Variants in CEP68 observed in about 807,000 individuals in gnomAD.
CEP68 encodes the protein centrosomal protein 68, also known as centrosomal protein of 68 kDa.
Under a neutral mutation model 55.3 loss-of-function variants are expected in CEP68, and 26 were observed. The ratio of observed to expected loss-of-function variants is 0.47; its 90% CI spans 0.34 to 0.65. CEP68 has a LOEUF of 0.65. Ranked by LOEUF, CEP68 falls within the 30% of genes least tolerant of loss-of-function variation. The pLI, the probability that CEP68 is intolerant of heterozygous loss-of-function variation, is 0.01. For missense variants in CEP68, 957 were observed against 946.7 expected (o/e 1.01, Z -0.14); for synonymous variants, 402 against 383.2 (o/e 1.05, Z -0.57).
chr2:65,069,278 C>T, intron 1 of CEP68, 121 bp from the exon 2 acceptor site: 1 of 582,180 alleles, frequency 1.7e-6, no homozygotes, highest in South Asian at 3.7e-5. Context: ...AGGAAGTAGT[C>T]ACCATTTGTT....
rs543583730 is a variant in CEP68 at position 65,086,566 on chromosome 2, C to A, written c.*2932C>A. ...TCTGTAAATATGCTCATCTTAAGTTCATGTAATGTTTCCGCTAACTCACCA... is the reference window on the plus strand; with the variant it reads ...TCTGTAAATATGCTCATCTTAAGTTAATGTAATGTTTCCGCTAACTCACCA... On this transcript the variant is annotated 3_prime_UTR_variant, in exon 7 of 7. Transcript: ENST00000377990. 12 of 152,262 alleles carry A rather than the reference C, an allele frequency of 7.9e-5. No individual in the cohort carries two copies. The highest frequency in any genetic ancestry group is 2.9e-4 in the African/African-American group (12 of 41,546). The allele number at this position is 152,262 out of a possible 1,614,324, so 9.4% of individuals were successfully genotyped here. A position where few individuals can be genotyped will look rare whatever the true frequency, so the allele number is the denominator to read the frequency against.
intron 1 of CEP68, among the ~76,000 whole-genome samples, chr2:65,064,140 C>T (rs1416391537): frequency 6.6e-6 from 1 of 152,176 alleles, no homozygotes; most frequent in Non-Finnish European, 1.5e-5. Context: ...GCTGAAGGGA[C>T]TTTGGCCACA....
chr2:65,080,404 T>C lies in CEP68; in HGVS notation c.2105-2132T>C, dbSNP rs1234617403. 4 of 985,226 alleles carry C rather than the reference T, an allele frequency of 4.1e-6. No individual in the cohort carries two copies. In the Admixed American group the frequency reaches 2.5e-4, roughly 61 times the overall value. 61.0% of individuals were successfully genotyped at this position (985,226 alleles called of 1,614,324 possible). On this transcript the variant is annotated intron_variant, in intron 5 of 6. Coordinates refer to ENST00000377990, the MANE Select transcript of CEP68 (RefSeq NM_015147.3). ...TCTCCAGCGGGTGCAAAACTTAACT[T>C]TTCTTCCGCCAGGAGCATGCTGTCA...
chr2:65,077,658 G>C (rs950366834), intron 4 of CEP68, among the ~76,000 whole-genome samples: 1 of 152,142 alleles, frequency 6.6e-6, no homozygotes, highest in African/African-American at 2.4e-5. Context: ...AAACTAAACA[G>C]GAAAAACTAC....
intron 1 of CEP68, among the ~76,000 whole-genome samples, chr2:65,062,972 C>G (rs1675985859): frequency 1.3e-5 from 2 of 152,216 alleles, no homozygotes; most frequent in Admixed American, 6.5e-5. Flanking sequence ...CCCAGTCCTC[C>G]TCTCTCCATC....
At chr2:65,070,919 CTG>C (rs1457013373) in intron 2 of CEP68, 1 of 155,276 alleles carries the variant, frequency 6.4e-6, no homozygotes, top group African/African-American at 2.4e-5. Flanking sequence ...TCCTTCAACA[CTG>C]TGCTGTCCTG....
chr2:65,073,933 CA>C (rs1676634657), intron 3 of CEP68: 1 of 212,196 alleles, frequency 4.7e-6, no homozygotes, highest in South Asian at 8.4e-5. Context: ...TTCACTTTTC[CA>C]GAGAAACATG....
In CEP68 at chr2:65,071,797, A is replaced by G. The variant is rs1047695788; in HGVS notation, c.701A>G (p.Gln234Arg). 3 of 1,609,282 alleles carry G rather than the reference A, an allele frequency of 1.9e-6. No homozygotes were observed. Among genetic ancestry groups the G allele is most frequent in the Non-Finnish European group, 2.5e-6 (3 of 1,176,966 alleles). ...TCCTCCCTGGAGCCGGTCGTCCCCC[A>G]GGAACCTTCCTCTGTGGTGGGGCTA... is the stretch of plus-strand genomic sequence containing the variant. ...VSSSLEPVVP[Q>R]EPSSVVGLGP... The change falls in exon 3 of 7, where the codon CAG (glutamine) becomes CGG (arginine). Residue 234 changes from glutamine (Q) to arginine (R), a missense_variant. Transcript: ENST00000377990.
In CEP68 at chr2:65,058,871, C is replaced by T. The variant is rs546770249; in HGVS notation, c.-47+2343C>T. Among the ~76,000 whole-genome samples, 9 of 152,152 alleles carry T rather than the reference C, an allele frequency of 5.9e-5. No individual in the cohort carries two copies. The East Asian group carries it at 7.7e-4, about 13-fold the overall frequency. On this transcript the variant is annotated intron_variant, in intron 1 of 6. Coordinates refer to ENST00000377990, the MANE Select transcript of CEP68 (RefSeq NM_015147.3). Reference sequence around the variant, plus strand: ...TTCTCTTTCCACAGTGAAAGTATTCCGTAGAAGATTATCTGTTTATGTGTC... The same window carrying T: ...TTCTCTTTCCACAGTGAAAGTATTCTGTAGAAGATTATCTGTTTATGTGTC...
At chr2:65,070,681 A>G (rs1676419433) in intron 2 of CEP68, 1 of 152,110 alleles carries the variant, frequency 6.6e-6, no homozygotes, top group Admixed American at 6.5e-5. Flanking sequence ...AGCGAATCAT[A>G]AACAGACACA....
chr2:65,074,776 CAA>C (rs71394918), intron 4 of CEP68: 1 of 227,952 alleles, frequency 4.4e-6, no homozygotes, highest in Non-Finnish European at 8.6e-6. Context: ...CCCCCCCCCT[CAA>C]AAAAAAGTTT....
intron 3 of CEP68, chr2:65,073,335 C>G (rs1420092033): frequency 2.8e-6 from 1 of 351,334 alleles, no homozygotes; most frequent in Non-Finnish European, 5.5e-6. Flanking sequence ...GTTTTGTGCA[C>G]AGATGCCTTT....
At chr2:65,065,236 A>C (rs943665182) in intron 1 of CEP68, among the ~76,000 whole-genome samples, 2 of 152,228 alleles carry the variant, frequency 1.3e-5, no homozygotes, top group African/African-American at 4.8e-5. Flanking sequence ...CAGCAGCTCT[A>C]CTTCTGCAAT....
intron 4 of CEP68, among the ~76,000 whole-genome samples, chr2:65,077,408 T>C (rs774484502): frequency 2.2e-4 from 34 of 152,120 alleles, no homozygotes; most frequent in Non-Finnish European, 4.6e-4. Context: ...GATGTTGAGG[T>C]AGTTACCCCT....
chr2:65,062,532 C>CAA (rs10700779), intron 1 of CEP68, among the ~76,000 whole-genome samples: 1,530 of 66,266 alleles, frequency 0.023, 55 homozygotes, highest in Non-Finnish European at 0.032. Context: ...GACTCCATCT[C>CAA]AAAAAAAAAA....
At chr2:65,057,648 C>T (rs1444864512) in intron 1 of CEP68, among the ~76,000 whole-genome samples, 1 of 152,100 alleles carries the variant, frequency 6.6e-6, no homozygotes, top group Non-Finnish European at 1.5e-5. Context: ...AAAAGGCACT[C>T]AATGATGGAA....
chr2:65,058,497 CTTT>C lies in CEP68; in HGVS notation c.-47+1993_-47+1995del, dbSNP rs34477880. 4.9e-3 allele frequency among the ~76,000 whole-genome samples: 368 copies of C among 75,620 alleles called. 4 individuals carry two copies. The highest frequency in any genetic ancestry group is 0.019 in the East Asian group (43 of 2,224). The allele number at this position is 75,620 out of a possible 152,430, so 49.6% of individuals were successfully genotyped here. A position where few individuals can be genotyped will look rare whatever the true frequency, so the allele number is the denominator to read the frequency against. On this transcript the variant is annotated intron_variant, in intron 1 of 6. Transcript: ENST00000377990. ...CCTTATCCGATGGCTGATTTTTTTC[CTTT>C]TTTTTTTTTTTTTTTTTTTTTTTGA...
chr2:65,073,066 A>G (rs1431751737), intron 3 of CEP68, 86 bp downstream of exon 3: 4 of 1,465,766 alleles, frequency 2.7e-6, no homozygotes, highest in Admixed American at 3.5e-5. Context: ...AAACATGTTC[A>G]TGTTGACCAG....
rs1161240505 is a variant in CEP68, at chr2:65,072,379, G to A, written c.1283G>A (p.Gly428Asp). The A allele has an allele frequency of 1.9e-6, 3 of 1,613,780 alleles. No homozygotes were observed. Among genetic ancestry groups the A allele is most frequent in the East Asian group, 4.5e-5 (2 of 44,888 alleles). ...GGTGCGAAGGACCGGCTGACTATAG[G>A]CAAGCACCTTGATATGGGCTCTCCC... The part of the protein sequence containing the change: ...LRGAKDRLTI[G>D]KHLDMGSPQL... Residue 428 changes from glycine (G) to aspartate (D), a missense_variant, in exon 3 of 7, where the codon GGC (glycine) becomes GAC (aspartate). Gly to Asp is a moderately conservative substitution (Grantham distance 94, BLOSUM62 -1). Coordinates refer to ENST00000377990, the MANE Select transcript of CEP68 (RefSeq NM_015147.3).
Sources: gnomAD v4.1 joint callset for allele counts (sites outside exome capture counted in the v4.1 genomes callset) on GRCh38, gnomAD v4.1.1 for gene constraint, MANE v1.5 for transcripts, NCBI Gene and HGNC (gene_info 2026-07-23, HGNC 2026-07-21) for gene names.